ARID1B: variants seen among roughly 807,000 people sequenced by gnomAD.
The protein encoded by ARID1B is AT-rich interactive domain-containing protein 1B.
ARID1B carries 30 observed loss-of-function variants against 212.3 expected under a neutral mutation model. That is an observed-to-expected ratio of 0.14 (90% CI 0.11 to 0.19). ARID1B has a LOEUF of 0.19. Ranked by LOEUF, ARID1B falls within the 10% of genes least tolerant of loss-of-function variation. The probability of loss-of-function intolerance (pLI) is 1.00; values close to 1 mark genes in which losing one functional copy is unlikely to be tolerated. For synonymous variants in ARID1B, 1,402 were observed against 1,301.7 expected (o/e 1.08, Z -1.66); for missense variants, 2,891 against 3,204.0 (o/e 0.90, Z 2.36).
At chr6:156,901,277 G>T in intron 2 of ARID1B, 99 bp from the exon 3 acceptor site, 5 of 1,367,066 alleles carry the variant, frequency 3.7e-6, no homozygotes, top group Non-Finnish European at 5.1e-6. Context: ...TAGTTGCTTA[G>T]CAGAGAACCC....
At chr6:156,908,766 A>G (rs1048776581) in intron 3 of ARID1B, among the ~76,000 whole-genome samples, 1 of 151,838 alleles carries the variant, frequency 6.6e-6, no homozygotes, top group Non-Finnish European at 1.5e-5. Flanking sequence ...TTTTGAAGAC[A>G]TTTTTATTGA....
At position 156,987,549 on chromosome 6, in the gene ARID1B, T is replaced by C. The variant is rs1267478589; in HGVS notation, c.2247+51973T>C. 4.6e-5 allele frequency among the ~76,000 whole-genome samples: 7 copies of C among 152,208 alleles called. No homozygotes were observed. In the East Asian group the frequency reaches 5.8e-4, roughly 13 times the overall value. On this transcript the variant is annotated intron_variant, in intron 4 of 19. Transcript: ENST00000636930. ...GTTTCACCGTGTTAGCCAGGATGGT[T>C]TCGATCTCCTGACCTTGTGATCCGC...
chr6:156,817,912 A>G (rs1162101450), intron 1 of ARID1B, among the ~76,000 whole-genome samples: 2 of 152,010 alleles, frequency 1.3e-5, no homozygotes, highest in Non-Finnish European at 2.9e-5. Flanking sequence ...TCCTAGGAGC[A>G]AGCATATGCT....
At chr6:156,777,016 G>C (rs1055137179), upstream of ARID1B, 6 of 152,274 alleles carry the variant, frequency 3.9e-5, no homozygotes, top group African/African-American at 1.2e-4. Context: ...GAGGCCAATA[G>C]ACAACTTTGT....
At chr6:157,010,293 T>G (rs372601237) in intron 4 of ARID1B, among the ~76,000 whole-genome samples, 10,864 of 126,498 alleles carry the variant, frequency 0.086, 637 homozygotes, top group Admixed American at 0.15. Flanking sequence ...TTTTTTTTTT[T>G]TTTTTTTTTT....
chr6:156,930,301 G>A (rs540034084), intron 3 of ARID1B, among the ~76,000 whole-genome samples: 2 of 152,204 alleles, frequency 1.3e-5, no homozygotes, highest in African/African-American at 4.8e-5. Flanking sequence ...TTAAAAGTGT[G>A]TAGCACCTCC....
intron 5 of ARID1B, among the ~76,000 whole-genome samples, chr6:157,103,009 A>G (rs757500565): frequency 1.5e-4 from 23 of 152,194 alleles, no homozygotes; most frequent in Admixed American, 5.9e-4. Flanking sequence ...AGTTTTATTT[A>G]TGCTATTTTG....
chr6:157,084,881 C>T lies in ARID1B; in HGVS notation c.2467C>T (p.Pro823Ser), dbSNP rs1380723609. 6.2e-7 allele frequency: 1 copy of T among 1,613,642 alleles called. No homozygotes were observed. The highest frequency in any genetic ancestry group is 1.7e-5 in the Admixed American group (1 of 59,928). ...AGGAAGCAACCAGTCTCGATCTGGC[C>T]CAATCTCTCCTGCAAGTATCCCAGG... The part of the protein sequence containing the change: ...PVGSNQSRSG[P>S]ISPASIPGSQ... Residue 823 changes from proline to serine, a missense_variant, in exon 5 of 20, where the codon CCA (proline) becomes TCA (serine). Around this residue, in one of 7 missense-constraint regions of ARID1B, gnomAD observed 1,643 missense variants for 1,544.0 expected, o/e 1.06. Transcript: ENST00000636930.
At chr6:157,195,250 A>G (rs934403834) in intron 15 of ARID1B, 1 of 152,200 alleles carries the variant, frequency 6.6e-6, no homozygotes. Flanking sequence ...GTCTGCCAGC[A>G]CTGTGAGCTC....
Position 157,005,877 on chromosome 6 carries a change from C to T in ARID1B, c.2247+70301C>T, listed in dbSNP as rs1359559340. Among the ~76,000 whole-genome samples, 7 of 152,248 alleles carry T rather than the reference C, an allele frequency of 4.6e-5. 1 individual carries two copies. Among genetic ancestry groups the T allele is most frequent in the Admixed American group, 2.6e-4 (4 of 15,292 alleles). ...CCCTGAACTTAAAACTCTCTGGGGTCGCTTTCCATTAATAGCTTTTGACTT... is the reference window on the plus strand; with the variant it reads ...CCCTGAACTTAAAACTCTCTGGGGTTGCTTTCCATTAATAGCTTTTGACTT... On this transcript the variant is annotated intron_variant, in intron 4 of 19. Coordinates refer to ENST00000636930, the MANE Select transcript of ARID1B (RefSeq NM_001374828.1).
chr6:156,962,039 C>T (rs1415449031), intron 4 of ARID1B, among the ~76,000 whole-genome samples: 1 of 152,122 alleles, frequency 6.6e-6, no homozygotes, highest in Non-Finnish European at 1.5e-5. Context: ...GTGGCTCACA[C>T]CTGTAATCCT....
chr6:156,912,014 TAAG>T (rs1789930559), intron 3 of ARID1B, among the ~76,000 whole-genome samples: 1 of 152,250 alleles, frequency 6.6e-6, no homozygotes, highest in Non-Finnish European at 1.5e-5. Context: ...TAAAAACTGG[TAAG>T]AAAGTAAAGA....
intron 2 of ARID1B, among the ~76,000 whole-genome samples, chr6:156,883,736 G>A (rs1787286288): frequency 6.6e-6 from 1 of 152,090 alleles, no homozygotes; most frequent in African/African-American, 2.4e-5. Flanking sequence ...AGAGTTGCCG[G>A]CTCCTCTGAG....
intron 2 of ARID1B, among the ~76,000 whole-genome samples, chr6:156,900,960 C>T (rs1788878755): frequency 6.6e-6 from 1 of 152,194 alleles, no homozygotes; most frequent in South Asian, 2.1e-4. Context: ...CAAGAAAGCA[C>T]CCAAACCACA....
In ARID1B at chr6:156,871,606, A is replaced by G. The variant is rs918112865; in HGVS notation, c.1987-29770A>G. 1.2e-6 allele frequency: 2 copies of G among 1,611,262 alleles called. No homozygotes were observed. The highest frequency in any genetic ancestry group is 1.1e-5 in the South Asian group (1 of 90,424). ...TTGCTCCTAATTACTGTTTTATCCTACTTTTAGGACTCTGGAGATGCCACA... is the reference window on the plus strand; with the variant it reads ...TTGCTCCTAATTACTGTTTTATCCTGCTTTTAGGACTCTGGAGATGCCACA... On this transcript the variant is annotated intron_variant, in intron 2 of 19. Transcript: ENST00000636930.
rs2128391016 is a variant in ARID1B at position 157,206,171 on chromosome 6, C to T, written c.5399C>T (p.Ser1800Phe). The T allele has an allele frequency of 1.2e-6, 2 of 1,613,834 alleles. No homozygotes were observed. Among genetic ancestry groups the T allele is most frequent in the Non-Finnish European group, 8.5e-7 (1 of 1,179,838 alleles). Residue 1800 changes from serine to phenylalanine, a missense_variant, in exon 20 of 20, where the codon TCT (serine) becomes TTT (phenylalanine). Around this residue, in one of 7 missense-constraint regions of ARID1B, gnomAD observed 332 missense variants for 369.2 expected, o/e 0.90. Coordinates refer to ENST00000636930, the MANE Select transcript of ARID1B (RefSeq NM_001374828.1). This position sits in a 1 kb window ranked among gnomAD's most constrained non-coding sequence, Gnocchi z 6.8. ...TVATFNLSQL[S>F]GFLELLVEYF... is the part of the protein sequence containing the mutation. The stretch of plus-strand genomic sequence containing the variant: ...TCTCCTCCTCCTCCTCTCCAGTTGT[C>T]TGGATTTCTCGAACTTTTAGTCGAG...
At chr6:156,809,190 G>C (rs1022679504) in intron 1 of ARID1B, among the ~76,000 whole-genome samples, 19 of 152,134 alleles carry the variant, frequency 1.2e-4, no homozygotes, top group Non-Finnish European at 2.1e-4. Context: ...GCACTGCTGA[G>C]CAGTGTCTTA....
At chr6:156,823,783 T>C (rs1782558547) in intron 1 of ARID1B, among the ~76,000 whole-genome samples, 3 of 151,236 alleles carry the variant, frequency 2.0e-5, no homozygotes, top group South Asian at 2.1e-4. Flanking sequence ...TAAAGATGTA[T>C]CTAATAAACT....
chr6:156,961,188 G>A (rs374875072), intron 4 of ARID1B, among the ~76,000 whole-genome samples: 5 of 152,176 alleles, frequency 3.3e-5, no homozygotes, highest in African/African-American at 4.8e-5. Flanking sequence ...TCCCAGGTGC[G>A]TGCTCTGCGA....
Sources: gnomAD v4.1 joint callset for allele counts (sites outside exome capture counted in the v4.1 genomes callset) on GRCh38, gnomAD v4.1.1 for gene constraint, gnomAD v4.1.1 regional missense constraint, Gnocchi (gnomAD v3.1) non-coding constraint, MANE v1.5 for transcripts, NCBI Gene and HGNC (gene_info 2026-07-23, HGNC 2026-07-21) for gene names.